KATNAL2: variants seen among roughly 807,000 people sequenced by gnomAD.
KATNAL2 encodes katanin catalytic subunit A1 like 2, also known as katanin p60 ATPase-containing subunit A-like 2.
KATNAL2 carries 52 observed loss-of-function variants against 76.3 expected under a neutral mutation model. The observed-to-expected ratio is 0.68, with a 90% CI of 0.55 to 0.86. KATNAL2 has a LOEUF of 0.86. Ranked by LOEUF, KATNAL2 falls within the 40% of genes least tolerant of loss-of-function variation. The pLI is 0.00. For missense variants in KATNAL2, 660 were observed against 668.9 expected (o/e 0.99, Z 0.15); for synonymous variants, 243 against 244.2 (o/e 1.00, Z 0.05).
rs2147434448 is a variant in KATNAL2, at chr18:47,099,282, G to C, written c.1251G>C (p.Arg417Ser). The C allele has an allele frequency of 6.2e-7, 1 of 1,614,132 alleles. No individual in the cohort carries two copies. Among genetic ancestry groups the C allele is most frequent in the South Asian group, 1.1e-5 (1 of 91,078 alleles). ...DCAMLRRLEK[R>S]ILVDLPSREA... is the part of the protein sequence containing the mutation. ...CCATGTTACGCCGCCTGGAGAAGAG[G>C]ATTCTGGTCGATCTCCCCAGCCGGG... The change falls in exon 16 of 18, where the codon AGG becomes AGC. Residue 417 changes from arginine to serine, a missense_variant. Coordinates refer to ENST00000683218, the MANE Select transcript of KATNAL2 (RefSeq NM_001387690.1).
At chr18:47,056,754 A>G (rs933767750) in intron 6 of KATNAL2, among the ~76,000 whole-genome samples, 10 of 152,130 alleles carry the variant, frequency 6.6e-5, no homozygotes, top group Non-Finnish European at 1.3e-4. Context: ...GGAATATAGA[A>G]TCCCTGTTTC....
intron 8 of KATNAL2, among the ~76,000 whole-genome samples, chr18:47,062,534 A>AG (rs1390658996): frequency 6.6e-6 from 1 of 152,248 alleles, no homozygotes; most frequent in African/African-American, 2.4e-5. Context: ...GTTCTCACAA[A>AG]GAACCTTTCA....
chr18:47,063,220 C>A, intron 9 of KATNAL2, 64 bp from the exon 10 acceptor site: 1 of 1,544,638 alleles, frequency 6.5e-7, no homozygotes, highest in Non-Finnish European at 8.9e-7. Context: ...CTGTGCATGC[C>A]CGGGGTTTCT....
At chr18:46,961,904 G>A (rs1340343665) in intron 3 of KATNAL2, among the ~76,000 whole-genome samples, 3 of 152,180 alleles carry the variant, frequency 2.0e-5, no homozygotes, top group Non-Finnish European at 4.4e-5. Flanking sequence ...GAATGTAGAT[G>A]GGGGTTTGCT....
intron 4 of KATNAL2, among the ~76,000 whole-genome samples, chr18:47,049,504 T>C (rs2061274427): frequency 6.6e-6 from 1 of 152,220 alleles, no homozygotes; most frequent in African/African-American, 2.4e-5. Context: ...TGTGCAGCAC[T>C]TGGAGCAGTA....
At chr18:46,920,087 G>C in intron 1 of KATNAL2, 1 of 1,289,668 alleles carries the variant, frequency 7.8e-7, no homozygotes, top group Non-Finnish European at 1.0e-6. Context: ...TTGCTTCCCA[G>C]CATTCATTCT....
intron 3 of KATNAL2, among the ~76,000 whole-genome samples, chr18:47,039,183 T>C (rs1250164586): frequency 1.3e-5 from 2 of 152,246 alleles, no homozygotes; most frequent in Non-Finnish European, 2.9e-5. Flanking sequence ...TTTACATTTA[T>C]TTAAGCCTTC....
chr18:46,968,117 G>C (rs1490951637), intron 3 of KATNAL2, among the ~76,000 whole-genome samples: 40 of 117,344 alleles, frequency 3.4e-4, no homozygotes, highest in African/African-American at 1.3e-3. Context: ...TTGTGGAGAC[G>C]GGGTTTCTCC....
intron 4 of KATNAL2, among the ~76,000 whole-genome samples, chr18:47,049,816 G>C (rs550258708): frequency 6.6e-6 from 1 of 152,170 alleles, no homozygotes; most frequent in Non-Finnish European, 1.5e-5. Context: ...CTGGGTTCAA[G>C]TGATCCTCTC....
chr18:47,081,293 T>C (rs2062508211), intron 15 of KATNAL2, among the ~76,000 whole-genome samples: 1 of 152,214 alleles, frequency 6.6e-6, no homozygotes, highest in Admixed American at 6.5e-5. Context: ...AATAGAAATA[T>C]ATTGTGAGGC....
At chr18:47,085,839 A>C (rs1184860135) in intron 15 of KATNAL2, among the ~76,000 whole-genome samples, 1 of 152,156 alleles carries the variant, frequency 6.6e-6, no homozygotes, top group Non-Finnish European at 1.5e-5. Flanking sequence ...ATGGTGGCTT[A>C]TGCTTGTAAT....
chr18:46,928,136 G>A (rs988285184), intron 1 of KATNAL2, among the ~76,000 whole-genome samples: 4 of 152,298 alleles, frequency 2.6e-5, no homozygotes, highest in Admixed American at 6.5e-5. Context: ...GAGGAGCTGC[G>A]TTCCTTTGGA....
Position 46,917,631 on chromosome 18 carries a change from CCTGCCCCGGCGTGCTGCCCCGCGG to C in KATNAL2, c.-802_-779del. ...CGCGCGGCGACAGCGCCCGCCCGCG[CCTGCCCCGGCGTGCTGCCCCGCGG>C]CTTGGCCCCGCTCGGCCCCAGGTCG... is the stretch of plus-strand genomic sequence containing the variant. On this transcript the variant is annotated 5_prime_UTR_variant, in exon 1 of 18. Coordinates refer to ENST00000683218, the MANE Select transcript of KATNAL2 (RefSeq NM_001387690.1). The C allele has an allele frequency of 1.2e-6, 1 of 863,900 alleles. No homozygotes were observed. The highest frequency in any genetic ancestry group is 5.3e-5 in the South Asian group (1 of 18,862). 53.5% of individuals were successfully genotyped at this position (863,900 alleles called of 1,614,324 possible). A position where few individuals can be genotyped will look rare whatever the true frequency, so the allele number is the denominator to read the frequency against.
At chr18:46,956,237 T>G (rs1186104668) in intron 3 of KATNAL2, among the ~76,000 whole-genome samples, 2 of 152,224 alleles carry the variant, frequency 1.3e-5, no homozygotes, top group Non-Finnish European at 2.9e-5. Context: ...AAGGCAAATA[T>G]GCATTTATTC....
intron 2 of KATNAL2, 73 bp downstream of exon 2, chr18:46,946,619 G>A (rs9304340): frequency 0.55 from 514,888 of 940,286 alleles, 142,180 homozygotes; most frequent in African/African-American, 0.68. Flanking sequence ...AGCCCGCCCT[G>A]TGCTCTAACA....
chr18:47,092,715 T>C (rs2063054751), intron 15 of KATNAL2, among the ~76,000 whole-genome samples: 1 of 152,202 alleles, frequency 6.6e-6, no homozygotes, highest in African/African-American at 2.4e-5. Context: ...GCACCTAGTC[T>C]ATAGAGGAAA....
At chr18:47,063,484 G>A (rs1569101284) in intron 10 of KATNAL2, 123 bp downstream of exon 10, 1 of 663,328 alleles carries the variant, frequency 1.5e-6, no homozygotes, top group Non-Finnish European at 2.6e-6. Flanking sequence ...GCCCCCACTT[G>A]CGCAGGCACT....
chr18:46,956,615 C>G (rs1228137431), intron 3 of KATNAL2, among the ~76,000 whole-genome samples: 6 of 152,222 alleles, frequency 3.9e-5, no homozygotes, highest in East Asian at 1.9e-4. Context: ...TTCTTCCCCC[C>G]ATCCCAGTAG....
intron 3 of KATNAL2, chr18:47,035,039 G>A: frequency 6.2e-7 from 1 of 1,611,878 alleles, no homozygotes. Context: ...ACGAGCACCA[G>A]CTTCTTCCAC....
Sources: gnomAD v4.1 joint callset for allele counts (sites outside exome capture counted in the v4.1 genomes callset) on GRCh38, gnomAD v4.1.1 for gene constraint, MANE v1.5 for transcripts, NCBI Gene and HGNC (gene_info 2026-07-23, HGNC 2026-07-21) for gene names.